Variants in MFN2 observed in about 807,000 individuals in gnomAD.
MFN2 encodes the protein mitofusin 2, also known as mitofusin-2.
MFN2 carries 43 observed loss-of-function variants against 87.5 expected under a neutral mutation model. That is an observed-to-expected ratio of 0.49 (90% confidence interval 0.38 to 0.63). The LOEUF (loss-of-function observed/expected upper bound fraction) is 0.63. Among genes scored for constraint, MFN2 ranks in the 30% least tolerant of loss-of-function variants. The probability of loss-of-function intolerance (pLI) is 0.00; values close to 1 mark genes in which losing one functional copy is unlikely to be tolerated. For missense variants in MFN2, 743 were observed against 972.8 expected (o/e 0.76, Z 3.14); for synonymous variants, 337 against 359.9 (o/e 0.94, Z 0.72).
Position 12,012,437 on chromosome 1 carries a change from TTGG to T in MFN2, c.*876_*878del, listed in dbSNP as rs929448885. 1 of 152,658 alleles carries T rather than the reference TTGG, an allele frequency of 6.6e-6. No homozygotes were observed. The highest frequency in any genetic ancestry group is 6.5e-5 in the Admixed American group (1 of 15,272). 9.5% of individuals were successfully genotyped at this position (152,658 alleles called of 1,614,324 possible). The stretch of plus-strand genomic sequence containing the variant: ...GGATGGATGGTGGAAGGTGGGGACG[TTGG>T]TGGCTGGCTGAGGTGCATGGGCCCC... On this transcript the variant is annotated 3_prime_UTR_variant, in exon 19 of 19. Coordinates refer to ENST00000235329, the MANE Select transcript of MFN2 (RefSeq NM_014874.4).
At chr1:11,993,608 G>A (rs1285676580) in intron 4 of MFN2, among the ~76,000 whole-genome samples, 2 of 151,816 alleles carry the variant, frequency 1.3e-5, no homozygotes, top group African/African-American at 2.4e-5. Flanking sequence ...GGTGGCGGGC[G>A]CCTGTAGTCC....
At position 12,005,859 on chromosome 1, in the gene MFN2, A is replaced by T; in HGVS notation, c.1644A>T (p.Gly548=). 1 of 1,614,158 alleles carries T rather than the reference A, an allele frequency of 6.2e-7. No individual in the cohort carries two copies. The highest frequency in any genetic ancestry group is 8.5e-7 in the Non-Finnish European group (1 of 1,180,034). The change falls in exon 15 of 19, where the codon GGA becomes GGT. Residue 548 remains glycine, a synonymous_variant. Transcript: ENST00000235329. Reference sequence around the variant, plus strand: ...ACATTGAGTTCCATTTCTCTCTCGGATGGACCATGCTGGTGAATAGGTTCC... The same window carrying T: ...ACATTGAGTTCCATTTCTCTCTCGGTTGGACCATGCTGGTGAATAGGTTCC... ...QEDIEFHFSL[G]WTMLVNRFLG...
chr1:12,007,915 G>A (rs1639494455), intron 17 of MFN2, among the ~76,000 whole-genome samples: 1 of 152,108 alleles, frequency 6.6e-6, no homozygotes, highest in South Asian at 2.1e-4. Context: ...CAGTGTTTGT[G>A]TCCCTGGGTA....
At chr1:11,983,369 C>T (rs987947788) in intron 2 of MFN2, among the ~76,000 whole-genome samples, 5 of 152,200 alleles carry the variant, frequency 3.3e-5, no homozygotes, top group African/African-American at 1.2e-4. Context: ...CCGCGCCTGG[C>T]CTAGCATATG....
chr1:11,997,218 G>C, intron 5 of MFN2, 79 bp from the exon 6 acceptor site: 1 of 1,595,862 alleles, frequency 6.3e-7, no homozygotes, highest in Non-Finnish European at 8.6e-7. Context: ...CAGCCACTGT[G>C]CTGTGATGCA....
At chr1:11,997,717 G>C (rs1638972925) in intron 6 of MFN2, among the ~76,000 whole-genome samples, 1 of 152,036 alleles carries the variant, frequency 6.6e-6, no homozygotes, top group African/African-American at 2.4e-5. Context: ...ATGTGTACTG[G>C]GGGTGGGGAG....
chr1:12,006,058 C>T, intron 15 of MFN2, 127 bp downstream of exon 15: 1 of 788,014 alleles, frequency 1.3e-6, no homozygotes, highest in Non-Finnish European at 2.1e-6. Context: ...CCCCACCACA[C>T]AGTACACCAC....
intron 17 of MFN2, among the ~76,000 whole-genome samples, chr1:12,008,254 A>C (rs1639510324): frequency 6.6e-6 from 1 of 152,210 alleles, no homozygotes; most frequent in Admixed American, 6.5e-5. Flanking sequence ...GTTCTCAATG[A>C]GCTGTTGGGT....
rs1435523388 is a variant in MFN2 at position 12,009,705 on chromosome 1, A to G, written c.2183A>G (p.Gln728Arg). Residue 728 changes from glutamine to arginine, a missense_variant, in exon 18 of 19, where the codon CAG (glutamine) becomes CGG (arginine). By Grantham distance (43) the Gln-to-Arg change is conservative. Coordinates refer to ENST00000235329, the MANE Select transcript of MFN2 (RefSeq NM_014874.4). ...NKKIEVLDSL[Q>R]SKAKLLRNKA... The stretch of plus-strand genomic sequence containing the variant: ...AAAATTGAGGTTCTTGACTCACTTC[A>G]GAGCAAAGCAAAGCTGCTCAGGTGA... The G allele has an allele frequency of 1.2e-6, 2 of 1,614,262 alleles. No individual in the cohort carries two copies. Among genetic ancestry groups the G allele is most frequent in the Non-Finnish European group, 1.7e-6 (2 of 1,180,044 alleles).
chr1:11,986,746 A>G (rs935252988), intron 2 of MFN2, among the ~76,000 whole-genome samples: 1 of 152,030 alleles, frequency 6.6e-6, no homozygotes. Context: ...GCCTGCCACC[A>G]TGCCTGGCTA....
In MFN2 at chr1:12,011,982, G is replaced by A; in HGVS notation, c.*417G>A. 4.0e-6 allele frequency: 1 copy of A among 248,326 alleles called. No individual in the cohort carries two copies. The highest frequency in any genetic ancestry group is 8.1e-6 in the Non-Finnish European group (1 of 123,808). 15.4% of individuals were successfully genotyped at this position (248,326 alleles called of 1,614,324 possible). On this transcript the variant is annotated 3_prime_UTR_variant, in exon 19 of 19. Transcript: ENST00000235329. Reference sequence around the variant, plus strand: ...GCGCACCTGCCCTCCTTGCAGCCCAGCACACCTGCAGGTGTAAGGGACGAT... The same window carrying A: ...GCGCACCTGCCCTCCTTGCAGCCCAACACACCTGCAGGTGTAAGGGACGAT...
chr1:11,982,403 T>C (rs1485055481), intron 2 of MFN2: 2 of 152,262 alleles, frequency 1.3e-5, no homozygotes, highest in East Asian at 1.9e-4. Context: ...GTGCTGGCTC[T>C]TCCCCATCTC....
chr1:12,013,203 A>T lies in MFN2; in HGVS notation c.*1638A>T, dbSNP rs1454873266. On this transcript the variant is annotated 3_prime_UTR_variant, in exon 19 of 19. Coordinates refer to ENST00000235329, the MANE Select transcript of MFN2 (RefSeq NM_014874.4). ...ATTTTGTGCTCTTTTTGAAAAAAAA[A>T]AATTCTTTAGCGTAAACATGAATTT... 2.9e-6 allele frequency: 1 copy of T among 342,802 alleles called. No individual in the cohort carries two copies. The highest frequency in any genetic ancestry group is 4.4e-5 in the Admixed American group (1 of 22,570). 21.2% of individuals were successfully genotyped at this position (342,802 alleles called of 1,614,324 possible). A position where few individuals can be genotyped will look rare whatever the true frequency, so the allele number is the denominator to read the frequency against.
intron 6 of MFN2, among the ~76,000 whole-genome samples, chr1:11,997,828 T>TGTTTATC (rs1638977476): frequency 6.6e-6 from 1 of 151,928 alleles, no homozygotes; most frequent in African/African-American, 2.4e-5. Flanking sequence ...AGTATTGTAG[T>TGTTTATC]GTTTATCTGG....
chr1:12,001,205 G>T (rs541814712), intron 8 of MFN2, among the ~76,000 whole-genome samples, 196 bp from the exon 9 acceptor site: 10 of 152,274 alleles, frequency 6.6e-5, no homozygotes, highest in African/African-American at 2.2e-4. Flanking sequence ...TAGAGACAGG[G>T]TTTCACCATG....
chr1:12,012,192 G>A lies in MFN2; in HGVS notation c.*627G>A, dbSNP rs1639724734. ...TGGGGGTGGTAGAAAGGATGCTGCT[G>A]AGGCAGCTGGAGGAGTGGGAGTAGC... is the stretch of plus-strand genomic sequence containing the variant. On this transcript the variant is annotated 3_prime_UTR_variant, in exon 19 of 19. Transcript: ENST00000235329. 6.3e-6 allele frequency: 1 copy of A among 157,604 alleles called. No homozygotes were observed. The allele number at this position is 157,604 out of a possible 1,614,324, so 9.8% of individuals were successfully genotyped here. A position where few individuals can be genotyped will look rare whatever the true frequency, so the allele number is the denominator to read the frequency against.
rs1639165442 is a variant in MFN2, at chr1:12,001,388, G to A, written c.817-13G>A. The A allele has an allele frequency of 6.2e-7, 1 of 1,613,064 alleles. No homozygotes were observed. Among genetic ancestry groups the A allele is most frequent in the South Asian group, 1.1e-5 (1 of 90,978 alleles). ...ACCTACACTCACTCTGGACACATTTGTTTGGGCTCCAGGTGCGGCGGCAGC... is the reference window on the plus strand; with the variant it reads ...ACCTACACTCACTCTGGACACATTTATTTGGGCTCCAGGTGCGGCGGCAGC... On this transcript the variant is annotated splice_polypyrimidine_tract_variant and intron_variant, in intron 8 of 18. Coordinates refer to ENST00000235329, the MANE Select transcript of MFN2 (RefSeq NM_014874.4).
At position 11,992,606 on chromosome 1, in the gene MFN2, T is replaced by G. The variant is rs28940293; in HGVS notation, c.227T>G (p.Leu76Arg). 3.7e-6 allele frequency: 6 copies of G among 1,614,100 alleles called. No individual in the cohort carries two copies. The highest frequency in any genetic ancestry group is 5.1e-6 in the Non-Finnish European group (6 of 1,180,042). ...CCCGTTACCACAGAAGAACAGGTTC[T>G]GGACGTCAAAGGTTACCTATCCAAA... The part of the protein sequence containing the change: ...LDPVTTEEQV[L>R]DVKGYLSKVR... The change falls in exon 4 of 19, where the codon CTG becomes CGG. Residue 76 changes from leucine to arginine, a missense_variant. By Grantham distance (102) the Leu-to-Arg change is moderately radical. Around this residue, in one of 3 missense-constraint regions of MFN2, gnomAD observed 141 missense variants for 278.9 expected, o/e 0.51. Coordinates refer to ENST00000235329, the MANE Select transcript of MFN2 (RefSeq NM_014874.4).
rs982634536 is a variant in MFN2, at chr1:12,001,667, G to C, written c.971-102G>C. The C allele has an allele frequency of 4.4e-6, 7 of 1,579,862 alleles. No homozygotes were observed. In the Admixed American group the frequency reaches 6.7e-5, roughly 15 times the overall value. On this transcript the variant is annotated intron_variant, in intron 9 of 18. Transcript: ENST00000235329. The stretch of plus-strand genomic sequence containing the variant: ...TGAGAAGGGGATGCTGAGAAGAGCA[G>C]AGAGGCTCTTGCTCTTTAGCCAGTG...
Sources: gnomAD v4.1 joint callset for allele counts (sites outside exome capture counted in the v4.1 genomes callset) on GRCh38, gnomAD v4.1.1 for gene constraint, gnomAD v4.1.1 regional missense constraint, MANE v1.5 for transcripts, NCBI Gene and HGNC (gene_info 2026-07-23, HGNC 2026-07-21) for gene names.